The following PM20D2 variants were observed in gnomAD, a reference collection of about 807,000 sequenced individuals.
The protein encoded by PM20D2 is peptidase M20 domain containing 2, also known as xaa-Arg dipeptidase.
In PM20D2, 33 loss-of-function variants were observed where a neutral mutation model predicts 42.9. The ratio of observed to expected loss-of-function variants is 0.77; its 90% CI spans 0.58 to 1.03. PM20D2 has a LOEUF of 1.03. Among genes scored for constraint, PM20D2 ranks in the 50% least tolerant of loss-of-function variants. The probability of loss-of-function intolerance (pLI) is 0.00; values close to 1 mark genes in which losing one functional copy is unlikely to be tolerated. For synonymous variants in PM20D2, 250 were observed against 228.2 expected (o/e 1.10, Z -0.86); for missense variants, 548 against 557.0 (o/e 0.98, Z 0.16).
At chr6:89,150,966 C>T (rs939332424) in intron 2 of PM20D2, among the ~76,000 whole-genome samples, 4 of 151,448 alleles carry the variant, frequency 2.6e-5, no homozygotes, top group African/African-American at 9.7e-5. Flanking sequence ...CCAGCCTGGC[C>T]AACTTGGCAA....
the PM20D2 span, among the ~76,000 whole-genome samples, chr6:89,121,857 TAA>T: frequency 6.6e-6 from 1 of 152,246 alleles, no homozygotes; most frequent in Non-Finnish European, 1.5e-5. Flanking sequence ...AGTTTTCACC[TAA>T]GAGAGACTTT....
At chr6:89,131,161 A>T in the PM20D2 span, among the ~76,000 whole-genome samples, 3 of 151,428 alleles carry the variant, frequency 2.0e-5, no homozygotes, top group Non-Finnish European at 4.4e-5. Context: ...TTCTTATAAA[A>T]CCACTAATCC....
intron 4 of PM20D2, 150 bp from the exon 5 acceptor site, chr6:89,158,175 T>C: frequency 1.5e-6 from 1 of 687,248 alleles, no homozygotes; most frequent in Non-Finnish European, 2.4e-6. Flanking sequence ...TTTTTCTTTT[T>C]TAAGGTAAGA....
At chr6:89,104,028 A>C in the PM20D2 span, among the ~76,000 whole-genome samples, 2 of 107,460 alleles carry the variant, frequency 1.9e-5, no homozygotes, top group African/African-American at 7.7e-5. Flanking sequence ...GGAGAGACGG[A>C]GTCTCACCAT....
chr6:89,112,456 T>C, the PM20D2 span, among the ~76,000 whole-genome samples: 1 of 150,376 alleles, frequency 6.6e-6, no homozygotes, highest in Non-Finnish European at 1.5e-5. Context: ...TCTTTTTTTT[T>C]TTTTTTTGGA....
chr6:89,127,323 G>A, the PM20D2 span, among the ~76,000 whole-genome samples: 2 of 141,820 alleles, frequency 1.4e-5, no homozygotes, highest in African/African-American at 2.7e-5. Context: ...ATCAGTACCT[G>A]TGAAATGCTT....
the PM20D2 span, among the ~76,000 whole-genome samples, chr6:89,120,970 A>T: frequency 6.6e-6 from 1 of 152,140 alleles, no homozygotes; most frequent in Admixed American, 6.5e-5. Context: ...TTATACTCTG[A>T]TACTTGCTTT....
the PM20D2 span, chr6:89,118,151 T>TA: frequency 1.3e-5 from 2 of 151,734 alleles, no homozygotes; most frequent in African/African-American, 4.8e-5. Context: ...GCGCGGCCGT[T>TA]CCCAGGCCCT....
chr6:89,149,094 T>C (rs1770734980), intron 1 of PM20D2, among the ~76,000 whole-genome samples, 171 bp from the exon 2 acceptor site: 1 of 152,258 alleles, frequency 6.6e-6, no homozygotes, highest in Admixed American at 6.5e-5. Flanking sequence ...CATTTTGTGA[T>C]TAATTTAGCA....
chr6:89,143,832 G>A (rs1012744830), upstream of PM20D2, among the ~76,000 whole-genome samples: 2 of 152,212 alleles, frequency 1.3e-5, no homozygotes, highest in Admixed American at 1.3e-4. Flanking sequence ...GGACTGAGAA[G>A]TCTAGGAAGA....
At chr6:89,124,736 G>GT in the PM20D2 span, among the ~76,000 whole-genome samples, 84 of 108,448 alleles carry the variant, frequency 7.7e-4, 3 homozygotes, top group Admixed American at 1.8e-3. Flanking sequence ...TGCTGTTGTT[G>GT]TTTTTTTTTT....
chr6:89,161,563 A>T (rs900238988), intron 5 of PM20D2, among the ~76,000 whole-genome samples: 1 of 152,092 alleles, frequency 6.6e-6, no homozygotes, highest in African/African-American at 2.4e-5. Context: ...AGACAAGGTG[A>T]GGGCAGGTTT....
chr6:89,118,488 ATTTG>A, the PM20D2 span, among the ~76,000 whole-genome samples: 1 of 151,258 alleles, frequency 6.6e-6, no homozygotes, highest in East Asian at 2.0e-4. Flanking sequence ...TTTTGTTCGG[ATTTG>A]TTTTTTTAAT....
chr6:89,156,618 T>C (rs1771057280), intron 4 of PM20D2, among the ~76,000 whole-genome samples: 2 of 152,154 alleles, frequency 1.3e-5, no homozygotes, highest in African/African-American at 2.4e-5. Flanking sequence ...GTGGAATGTG[T>C]CGTGAGGATC....
rs1562268754 is a variant in PM20D2, at chr6:89,165,141, G to T, written c.*2878G>T. ...TGAACAAAAGAAATTGATACAATAA[G>T]TTTTTTTTTTTAAGGATGATTGTCT... On this transcript the variant is annotated 3_prime_UTR_variant, in exon 7 of 7. Transcript: ENST00000275072. The T allele has an allele frequency of 6.8e-6, 1 of 146,236 alleles. No individual in the cohort carries two copies. The highest frequency in any genetic ancestry group is 2.5e-5 in the African/African-American group (1 of 40,128). 9.1% of individuals were successfully genotyped at this position (146,236 alleles called of 1,614,324 possible).
At chr6:89,133,066 A>T in the PM20D2 span, among the ~76,000 whole-genome samples, 2 of 146,220 alleles carry the variant, frequency 1.4e-5, no homozygotes, top group African/African-American at 2.6e-5. Flanking sequence ...TACCAAAGAA[A>T]TTTTTTTTTT....
At position 89,153,146 on chromosome 6, in the gene PM20D2, G is replaced by A. The variant is rs1488364874; in HGVS notation, c.718G>A (p.Val240Met). ...AAVLAYNNLS[V>M]FRQQMKPTWR... The stretch of plus-strand genomic sequence containing the variant: ...TGTGCTGGCCTATAACAATCTGTCT[G>A]TGTTCAGACAGCAAATGAAACCAAC... The change falls in exon 3 of 7, where the codon GTG becomes ATG. Residue 240 changes from valine (V) to methionine (M), a missense_variant. This residue lies in a region of PM20D2 where 470 missense variants were observed against 464.4 expected (regional missense o/e 1.01). Coordinates refer to ENST00000275072, the MANE Select transcript of PM20D2 (RefSeq NM_001010853.3). The A allele has an allele frequency of 7.5e-6, 12 of 1,609,500 alleles. No individual in the cohort carries two copies. Among genetic ancestry groups the A allele is most frequent in the Non-Finnish European group, 1.0e-5 (12 of 1,178,292 alleles).
Position 89,153,084 on chromosome 6 carries a change from C to T in PM20D2, c.656C>T (p.Ser219Phe). The T allele has an allele frequency of 1.2e-6, 2 of 1,608,412 alleles. No individual in the cohort carries two copies. The highest frequency in any genetic ancestry group is 1.7e-6 in the Non-Finnish European group (2 of 1,175,934). The stretch of plus-strand genomic sequence containing the variant: ...TATGGAAAAGCATCTCATTCTGCTT[C>T]TTATCCCTGGGAAGGATTAAATGCA... ...KYYGKASHSA[S>F]YPWEGLNALD... is the part of the protein sequence containing the mutation. Residue 219 changes from serine (S) to phenylalanine (F), a missense_variant, in exon 3 of 7, where the codon TCT becomes TTT. Physicochemically the swap from Ser to Phe is radical, Grantham distance 155. This residue lies in a region of PM20D2 where 470 missense variants were observed against 464.4 expected (regional missense o/e 1.01). Coordinates refer to ENST00000275072, the MANE Select transcript of PM20D2 (RefSeq NM_001010853.3).
Position 89,146,176 on chromosome 6 carries a change from G to T in PM20D2, c.32G>T (p.Gly11Val), listed in dbSNP as rs1450528788. 1.8e-5 allele frequency: 27 copies of T among 1,528,490 alleles called. No individual in the cohort carries two copies. Among genetic ancestry groups the T allele is most frequent in the Non-Finnish European group, 2.4e-5 (27 of 1,145,350 alleles). The allele number at this position is 1,528,490 out of a possible 1,614,324, so 94.7% of individuals were successfully genotyped here. ...CCCGGAGGGGAGCGGCCCGTGGAAG[G>T]GGGCGCGTGCAATGGCCGCTCCGAG... The part of the protein sequence containing the change: MRPGGERPVE[G>V]GACNGRSELE... Residue 11 changes from glycine to valine, a missense_variant, in exon 1 of 7, where the codon GGG (glycine) becomes GTG (valine). By Grantham distance (109) the Gly-to-Val change is moderately radical. Around this residue, in one of 3 missense-constraint regions of PM20D2, gnomAD observed 470 missense variants for 464.4 expected, o/e 1.01. Coordinates refer to ENST00000275072, the MANE Select transcript of PM20D2 (RefSeq NM_001010853.3).
Sources: allele counts gnomAD v4.1 joint callset (sites outside exome capture counted in the v4.1 genomes callset), GRCh38; gene constraint gnomAD v4.1.1; regional missense constraint gnomAD v4.1.1; transcripts MANE v1.5; gene names NCBI Gene and HGNC (gene_info 2026-07-23, HGNC 2026-07-21).